Variants in AKAP6 observed in about 807,000 individuals in gnomAD.
The protein encoded by AKAP6 is A-kinase anchoring protein 6, also known as A-kinase anchor protein 6.
Under a neutral mutation model 188.5 loss-of-function variants are expected in AKAP6, and 58 were observed. The observed-to-expected ratio is 0.31, with a 90% CI of 0.25 to 0.38. The LOEUF (loss-of-function observed/expected upper bound fraction) is 0.38. Ranked by LOEUF, AKAP6 falls within the 10% of genes least tolerant of loss-of-function variation. The pLI, the probability that AKAP6 is intolerant of heterozygous loss-of-function variation, is 1.00. For synonymous variants in AKAP6, 989 were observed against 998.6 expected (o/e 0.99, Z 0.18); for missense variants, 2,710 against 2,740.0 (o/e 0.99, Z 0.24).
chr14:32,802,999 G>C (rs2033990831), intron 12 of AKAP6, among the ~76,000 whole-genome samples: 1 of 152,178 alleles, frequency 6.6e-6, no homozygotes, highest in African/African-American at 2.4e-5. Context: ...TCAGGAGACT[G>C]AGGCAGGTGA....
chr14:32,784,708 A>G (rs2033350853), intron 12 of AKAP6, among the ~76,000 whole-genome samples: 1 of 152,192 alleles, frequency 6.6e-6, no homozygotes, highest in African/African-American at 2.4e-5. Flanking sequence ...TAACAACCAA[A>G]GATGAAGAAA....
At chr14:32,536,845 C>T (rs911808497) in intron 3 of AKAP6, among the ~76,000 whole-genome samples, 2 of 152,030 alleles carry the variant, frequency 1.3e-5, no homozygotes, top group Admixed American at 6.6e-5. Context: ...CATATATGTA[C>T]GGATACCATA....
intron 5 of AKAP6, among the ~76,000 whole-genome samples, chr14:32,579,634 A>G (rs895151366): frequency 4.6e-5 from 7 of 152,150 alleles, no homozygotes; most frequent in African/African-American, 1.7e-4. Flanking sequence ...GTTACTTTAG[A>G]TACAGCCTGT....
chr14:32,411,280 G>A (rs1889475451), intron 1 of AKAP6, among the ~76,000 whole-genome samples: 1 of 152,032 alleles, frequency 6.6e-6, no homozygotes, highest in Non-Finnish European at 1.5e-5. Context: ...AGGTTGATAT[G>A]GGCTGTTTAT....
intron 7 of AKAP6, among the ~76,000 whole-genome samples, chr14:32,610,053 A>G (rs1886291608): frequency 1.3e-5 from 2 of 152,112 alleles, no homozygotes; most frequent in African/African-American, 4.8e-5. Flanking sequence ...TGCGGTTAGC[A>G]CTCACAACGG....
intron 1 of AKAP6, among the ~76,000 whole-genome samples, chr14:32,361,805 G>A (rs887687718): frequency 3.3e-5 from 5 of 152,148 alleles, no homozygotes. Flanking sequence ...CCCATTCATT[G>A]AGAATCAGTG....
intron 13 of AKAP6, 123 bp from the exon 14 acceptor site, chr14:32,829,725 A>G: frequency 2.0e-6 from 1 of 500,482 alleles, no homozygotes; most frequent in South Asian, 3.3e-5. Flanking sequence ...GTATCTTTAT[A>G]TTTCAGAACA....
At chr14:32,464,434 G>T (rs2138835583) in intron 2 of AKAP6, among the ~76,000 whole-genome samples, 1 of 152,298 alleles carries the variant, frequency 6.6e-6, no homozygotes, top group African/African-American at 2.4e-5. Flanking sequence ...TGCAAGGCTT[G>T]TTCAACATAT....
chr14:32,399,925 T>C (rs982309093), intron 1 of AKAP6, among the ~76,000 whole-genome samples: 1 of 152,148 alleles, frequency 6.6e-6, no homozygotes, highest in Non-Finnish European at 1.5e-5. Flanking sequence ...CCAGGTGTTT[T>C]GTGAGTTAAG....
intron 11 of AKAP6, among the ~76,000 whole-genome samples, chr14:32,756,563 T>TG (rs2139927919): frequency 1.3e-5 from 2 of 152,156 alleles, no homozygotes; most frequent in African/African-American, 4.8e-5. Context: ...CCATGGGTTC[T>TG]AGCCTGGTAC....
chr14:32,377,348 A>T (rs1346347984), intron 1 of AKAP6, among the ~76,000 whole-genome samples: 2 of 152,098 alleles, frequency 1.3e-5, no homozygotes, highest in African/African-American at 4.8e-5. Flanking sequence ...GTTGTGTCTG[A>T]TCTTTGTCTC....
chr14:32,461,481 G>T (rs1248712340), intron 2 of AKAP6, among the ~76,000 whole-genome samples: 1 of 152,180 alleles, frequency 6.6e-6, no homozygotes, highest in Non-Finnish European at 1.5e-5. Flanking sequence ...TGCAGAAGAG[G>T]AGCCTGGCTG....
At chr14:32,334,560 G>A (rs1304668353) in intron 1 of AKAP6, among the ~76,000 whole-genome samples, 2 of 152,074 alleles carry the variant, frequency 1.3e-5, no homozygotes, top group African/African-American at 4.8e-5. Context: ...ATCTCTTATT[G>A]TGTCTAATCT....
At chr14:32,408,244 A>C (rs1292659846) in intron 1 of AKAP6, among the ~76,000 whole-genome samples, 2 of 152,144 alleles carry the variant, frequency 1.3e-5, no homozygotes, top group East Asian at 3.8e-4. Flanking sequence ...TGAACAGGGA[A>C]GGAGGGGAAA....
rs2031392687 is a variant in AKAP6, at chr14:32,735,774, A to G, written c.3264A>G (p.Lys1088=). The G allele has an allele frequency of 6.2e-7, 1 of 1,613,616 alleles. No individual in the cohort carries two copies. Among genetic ancestry groups the G allele is most frequent in the African/African-American group, 1.3e-5 (1 of 74,976 alleles). Residue 1088 remains lysine (K), a synonymous_variant, in exon 11 of 14, where the codon AAA becomes AAG. Transcript: ENST00000280979. ...TAAGGCAGCTGGAGGTCAGGATCAAAGAACTGAAAGGATGGCTAAGAGATA... is the reference window on the plus strand; with the variant it reads ...TAAGGCAGCTGGAGGTCAGGATCAAGGAACTGAAAGGATGGCTAAGAGATA... The part of the protein sequence containing the change: ...SLVRQLEVRI[K]ELKGWLRDTE...
intron 2 of AKAP6, among the ~76,000 whole-genome samples, chr14:32,525,780 C>T (rs967102979): frequency 6.6e-5 from 10 of 152,108 alleles, no homozygotes; most frequent in African/African-American, 1.7e-4. Flanking sequence ...ATCTGTATGG[C>T]GGTGTCCTAA....
intron 11 of AKAP6, among the ~76,000 whole-genome samples, chr14:32,762,230 CT>C (rs1653588996): frequency 6.6e-6 from 1 of 151,988 alleles, no homozygotes; most frequent in Admixed American, 6.6e-5. Context: ...AAATTGCATA[CT>C]TTATTCCAGG....
Position 32,521,559 on chromosome 14 carries a change from C to A in AKAP6, c.325-13995C>A, listed in dbSNP as rs534880643. On this transcript the variant is annotated intron_variant, in intron 2 of 13. Transcript: ENST00000280979. ...ACACCACTAACAGACAAACAGAGAG[C>A]CAAATCATGAGTGAACTCCCACTGA... 4.6e-5 allele frequency among the ~76,000 whole-genome samples: 7 copies of A among 152,190 alleles called. 1 individual carries two copies. Among genetic ancestry groups the A allele is most frequent in the African/African-American group, 4.8e-5 (2 of 41,530 alleles).
At chr14:32,544,437 A>G (rs1478680782) in intron 3 of AKAP6, among the ~76,000 whole-genome samples, 1 of 152,228 alleles carries the variant, frequency 6.6e-6, no homozygotes, top group Non-Finnish European at 1.5e-5. Flanking sequence ...AATTAAAAAT[A>G]GTTAATCGTA....
Sources: gnomAD v4.1 joint callset for allele counts (sites outside exome capture counted in the v4.1 genomes callset) on GRCh38, gnomAD v4.1.1 for gene constraint, MANE v1.5 for transcripts, NCBI Gene and HGNC (gene_info 2026-07-23, HGNC 2026-07-21) for gene names.